Variants in TLN2 observed in about 807,000 individuals in gnomAD.
TLN2 encodes the protein talin 2.
A neutral mutation model predicts 294.7 loss-of-function variants in TLN2; 118 were observed. The observed-to-expected ratio is 0.40, with a 90% CI of 0.34 to 0.47. The LOEUF (loss-of-function observed/expected upper bound fraction) is 0.47, where lower values mean the gene tolerates loss of function less well. Ranked by LOEUF, TLN2 falls within the 20% of genes least tolerant of loss-of-function variation. TLN2 has a pLI of 0.84. For synonymous variants in TLN2, 1,431 were observed against 1,304.5 expected, an observed-to-expected ratio of 1.10 and a Z score of -2.09; for missense variants, 3,083 against 3,282.2, an observed-to-expected ratio of 0.94 and a Z score of 1.48.
intron 1 of TLN2, among the ~76,000 whole-genome samples, chr15:62,397,700 A>G (rs897571223): frequency 6.6e-6 from 1 of 152,200 alleles, no homozygotes; most frequent in Non-Finnish European, 1.5e-5. Flanking sequence ...TTCCCAAACT[A>G]AAATGCATGG....
Position 62,776,782 on chromosome 15 carries a change from G to A in TLN2, c.5386G>A (p.Ala1796Thr), listed in dbSNP as rs765019963. 3.3e-5 allele frequency: 53 copies of A among 1,584,778 alleles called. No individual in the cohort carries two copies. In the Admixed American group the frequency reaches 6.0e-4, roughly 18 times the overall value. ...TTCTCAGGCACAACACACCCATGAC[G>A]CCATCACAGAGGCCGCCCAGTTGAT... Reference protein sequence around the residue: ...GNPKAQHTHDAITEAAQLMKE... With the variant: ...GNPKAQHTHDTITEAAQLMKE... The change falls in exon 43 of 59, where the codon GCC (alanine) becomes ACC (threonine). Residue 1796 changes from alanine (A) to threonine (T), a missense_variant. Transcript: ENST00000636159.
rs547335329 is a variant in TLN2, at chr15:62,825,416, T to C, written c.7002+4806T>C. Among the ~76,000 whole-genome samples, 11 of 152,238 alleles carry C rather than the reference T, an allele frequency of 7.2e-5. No individual in the cohort carries two copies. In the East Asian group the frequency reaches 1.7e-3, roughly 24 times the overall value. On this transcript the variant is annotated intron_variant, in intron 54 of 58. Transcript: ENST00000636159. The stretch of plus-strand genomic sequence containing the variant: ...CTTTGTCACTGACCAGCATGTTCTC[T>C]GTAGTGATTAATATGGTGAAGGGAA...
intron 2 of TLN2, among the ~76,000 whole-genome samples, chr15:62,615,799 A>G (rs2048267052): frequency 6.6e-6 from 1 of 152,204 alleles, no homozygotes; most frequent in Admixed American, 6.5e-5. Context: ...CTTGAATAAT[A>G]TTGCCATATT....
chr15:62,811,837 C>T (rs554219334), intron 52 of TLN2, among the ~76,000 whole-genome samples: 167 of 152,074 alleles, frequency 1.1e-3, no homozygotes, highest in Non-Finnish European at 1.6e-3. Context: ...CACTGTGAAA[C>T]TCCACCTCTA....
intron 42 of TLN2, among the ~76,000 whole-genome samples, chr15:62,774,474 A>C (rs910669176): frequency 6.6e-6 from 1 of 152,150 alleles, no homozygotes; most frequent in African/African-American, 2.4e-5. Context: ...ATCTGAAACT[A>C]TTGAGCTCTA....
rs1273163535 is a variant in TLN2 at position 62,711,991 on chromosome 15, GA to G, written c.2551del (p.Ile851SerfsTer16). ...TGCCATGAGGTCAGATGCAGAAGCC[GA>G]AATCGACATGGAGAATTCAAAGAAG... The part of the protein sequence containing the change: ...VNAMRSDAEA[E>X]IDMENSKKLL... On this transcript the variant is annotated frameshift_variant, in exon 22 of 59. Coordinates refer to ENST00000636159, the MANE Select transcript of TLN2 (RefSeq NM_015059.3). LOFTEE classifies it high-confidence loss of function. 6.2e-7 allele frequency: 1 copy of G among 1,614,080 alleles called. No homozygotes were observed. Among genetic ancestry groups the G allele is most frequent in the Non-Finnish European group, 8.5e-7 (1 of 1,180,036 alleles).
chr15:62,836,034 G>T lies in TLN2; in HGVS notation c.7335G>T (p.Val2445=). Residue 2445 remains valine (V), a synonymous_variant, in exon 57 of 59, where the codon GTG becomes GTT. Transcript: ENST00000636159. ...STAQLLVACK[V]KADQDSEAMR... Reference sequence around the variant, plus strand: ...CTCAGCTGCTGGTGGCCTGCAAGGTGAAGGCCGACCAGGATTCAGAGGCCA... The same window carrying T: ...CTCAGCTGCTGGTGGCCTGCAAGGTTAAGGCCGACCAGGATTCAGAGGCCA... The T allele has an allele frequency of 6.2e-7, 1 of 1,612,568 alleles. No individual in the cohort carries two copies. The highest frequency in any genetic ancestry group is 8.5e-7 in the Non-Finnish European group (1 of 1,179,312).
At chr15:62,487,028 G>A (rs974732879) in intron 1 of TLN2, among the ~76,000 whole-genome samples, 5 of 152,136 alleles carry the variant, frequency 3.3e-5, no homozygotes, top group African/African-American at 1.2e-4. Flanking sequence ...TGTTCACAGT[G>A]GGTTCCCTTT....
intron 1 of TLN2, among the ~76,000 whole-genome samples, chr15:62,436,282 G>C (rs2035282933): frequency 6.6e-6 from 1 of 152,172 alleles, no homozygotes. Flanking sequence ...CCTATGCTCA[G>C]GAGCTCATGG....
At chr15:62,662,066 G>C (rs1202347428) in intron 9 of TLN2, among the ~76,000 whole-genome samples, 1 of 151,940 alleles carries the variant, frequency 6.6e-6, no homozygotes, top group Non-Finnish European at 1.5e-5. Flanking sequence ...GATCAAAATA[G>C]AAGAAATAAG....
At chr15:62,546,773 G>C (rs188899244) in intron 1 of TLN2, among the ~76,000 whole-genome samples, 3 of 152,280 alleles carry the variant, frequency 2.0e-5, no homozygotes, top group Admixed American at 6.5e-5. Context: ...TCTATCTCTA[G>C]CAGCCACATG....
In TLN2 at chr15:62,527,611, A is replaced by G. The variant is rs528795132; in HGVS notation, c.-237-62076A>G. Among the ~76,000 whole-genome samples the G allele has an allele frequency of 7.9e-5, 12 of 152,332 alleles. No individual in the cohort carries two copies. In the East Asian group the frequency reaches 2.1e-3, roughly 27 times the overall value. On this transcript the variant is annotated intron_variant, in intron 1 of 58. Coordinates refer to ENST00000636159, the MANE Select transcript of TLN2 (RefSeq NM_015059.3). ...AGAAATTTTACAGAAAATGTCTTTC[A>G]TGTCATTCCTGCAGCAAAACAAGTA...
rs113573199 is a variant in TLN2, at chr15:62,693,288, C to T, written c.1215+347C>T. Among the ~76,000 whole-genome samples the T allele has an allele frequency of 3.3e-5, 5 of 152,204 alleles. 1 individual carries two copies. The highest frequency in any genetic ancestry group is 2.1e-4 in the South Asian group (1 of 4,826). ...CAGAGGTTGCAGTGAGCTGAGATCA[C>T]GCCACTGTACTGCAGCCTGGGTGAC... is the stretch of plus-strand genomic sequence containing the variant. On this transcript the variant is annotated intron_variant, in intron 13 of 58. Transcript: ENST00000636159.
intron 1 of TLN2, among the ~76,000 whole-genome samples, chr15:62,435,651 CTT>C (rs945313824): frequency 1.4e-4 from 22 of 152,324 alleles, no homozygotes; most frequent in Non-Finnish European, 2.8e-4. Context: ...GAGCAACTCT[CTT>C]GCCTTAGCCT....
At chr15:62,393,626 AT>A (rs1334520982) in intron 1 of TLN2, among the ~76,000 whole-genome samples, 2 of 152,216 alleles carry the variant, frequency 1.3e-5, no homozygotes, top group East Asian at 3.8e-4. Context: ...GAAAAAAACT[AT>A]GCATCTAAAT....
chr15:62,411,429 ATGTGTGTGTGTGTGTGTGTG>A (rs71125998), intron 1 of TLN2, among the ~76,000 whole-genome samples: 50 of 136,686 alleles, frequency 3.7e-4, no homozygotes, highest in African/African-American at 1.3e-3. Context: ...TGAGTAATGG[ATGTGTGTGTGTGTGTGTGTG>A]TGTGTGTGTG....
intron 1 of TLN2, among the ~76,000 whole-genome samples, chr15:62,564,723 A>G (rs1346725720): frequency 6.6e-6 from 1 of 151,900 alleles, no homozygotes; most frequent in East Asian, 1.9e-4. Context: ...CCTGGCCAAC[A>G]TGGCAAAACC....
At chr15:62,662,824 T>TTTG (rs2054029104) in intron 9 of TLN2, among the ~76,000 whole-genome samples, 2 of 140,844 alleles carry the variant, frequency 1.4e-5, no homozygotes, top group Non-Finnish European at 3.1e-5. Flanking sequence ...TTGAGAGAGT[T>TTTG]TTTTTTTTTT....
intron 1 of TLN2, among the ~76,000 whole-genome samples, chr15:62,493,614 G>A (rs11854450): frequency 0.065 from 9,874 of 151,462 alleles, 455 homozygotes; most frequent in Non-Finnish European, 0.095. Context: ...GTTCCCCCCC[G>A]CCGCTTTTTT....
Sources: gnomAD v4.1 joint callset for allele counts (sites outside exome capture counted in the v4.1 genomes callset) on GRCh38, gnomAD v4.1.1 for gene constraint, MANE v1.5 for transcripts, NCBI Gene and HGNC (gene_info 2026-07-23, HGNC 2026-07-21) for gene names.